The following TRAPPC9 variants were observed in gnomAD, a reference collection of about 807,000 sequenced individuals.
The protein encoded by TRAPPC9 is IKK2 binding protein.
Under a neutral mutation model 124.0 loss-of-function variants are expected in TRAPPC9, and 83 were observed. The observed-to-expected ratio is 0.67, with a 90% CI of 0.56 to 0.80. The LOEUF (loss-of-function observed/expected upper bound fraction) is 0.80, where lower values mean the gene tolerates loss of function less well. Ranked by LOEUF, TRAPPC9 falls within the 30% of genes least tolerant of loss-of-function variation. The probability of loss-of-function intolerance (pLI) is 0.00; values close to 1 mark genes in which losing one functional copy is unlikely to be tolerated. For missense variants in TRAPPC9, 1,302 were observed against 1,508.3 expected (o/e 0.86, Z 2.27); for synonymous variants, 638 against 617.5 (o/e 1.03, Z -0.49).
chr8:139,953,331 A>T (rs969478142), intron 19 of TRAPPC9, among the ~76,000 whole-genome samples: 5 of 152,190 alleles, frequency 3.3e-5, no homozygotes, highest in African/African-American at 2.4e-5. Context: ...TGTCTCTACT[A>T]AAAATGCAAA....
At chr8:140,183,917 GA>G (rs2062274480) in intron 17 of TRAPPC9, among the ~76,000 whole-genome samples, 1 of 38,908 alleles carries the variant, frequency 2.6e-5, no homozygotes, top group Non-Finnish European at 5.9e-5. Context: ...GAGAGGAGAG[GA>G]GAGGAGAGGA....
At chr8:140,178,132 T>C (rs1009501616) in intron 17 of TRAPPC9, among the ~76,000 whole-genome samples, 1 of 152,144 alleles carries the variant, frequency 6.6e-6, no homozygotes, top group Non-Finnish European at 1.5e-5. Context: ...TTTTGTTCCT[T>C]ATGGCACTAA....
At chr8:139,818,437 A>G (rs990376936) in intron 21 of TRAPPC9, among the ~76,000 whole-genome samples, 4 of 152,116 alleles carry the variant, frequency 2.6e-5, no homozygotes, top group Non-Finnish European at 5.9e-5. Flanking sequence ...TTAGCCAGGC[A>G]TGGTGGTGTG....
In TRAPPC9 at chr8:140,451,020, G is replaced by A. The variant is rs184612763; in HGVS notation, c.354C>T (p.Phe118=). 1.7e-5 allele frequency: 28 copies of A among 1,614,136 alleles called. No homozygotes were observed. The East Asian group carries it at 2.9e-4, about 17-fold the overall frequency. The part of the protein sequence containing the change: ...STLYDSRLFV[F]GLQGEIVEQP... The stretch of plus-strand genomic sequence containing the variant: ...GCTCCACGATCTCCCCCTGCAGCCC[G>A]AAGACAAAGAGCCGGGAGTCATACA... The change falls in exon 2 of 23, where the codon TTC becomes TTT. Residue 118 remains phenylalanine (F), a synonymous_variant. Transcript: ENST00000438773.
intron 21 of TRAPPC9, among the ~76,000 whole-genome samples, chr8:139,844,009 C>T (rs1331665488): frequency 6.6e-6 from 1 of 152,226 alleles, no homozygotes; most frequent in East Asian, 1.9e-4. Context: ...CATATCTCGT[C>T]CTGTCCTCCC....
At chr8:140,452,355 G>T (rs1310339595) in intron 1 of TRAPPC9, among the ~76,000 whole-genome samples, 1 of 143,030 alleles carries the variant, frequency 7.0e-6, no homozygotes, top group Non-Finnish European at 1.5e-5. Flanking sequence ...GGGAGGCAGA[G>T]CTTGCAGTGA....
At chr8:139,757,847 G>T (rs1819959500) in intron 21 of TRAPPC9, among the ~76,000 whole-genome samples, 1 of 152,142 alleles carries the variant, frequency 6.6e-6, no homozygotes, top group Non-Finnish European at 1.5e-5. Context: ...TCGCCTCCCT[G>T]TCCAAGGGGG....
chr8:140,087,034 G>A lies in TRAPPC9; in HGVS notation c.2557-62955C>T, dbSNP rs896947718. Among the ~76,000 whole-genome samples the A allele has an allele frequency of 2.6e-5, 4 of 151,918 alleles. No individual in the cohort carries two copies. The highest frequency in any genetic ancestry group is 9.7e-5 in the African/African-American group (4 of 41,352). Reference sequence around the variant, plus strand: ...GAGCTCCTGCAAGCACTGCCTGCTCGGGCTGGCTCTACTTCTTGCCACCGT... The same window carrying A: ...GAGCTCCTGCAAGCACTGCCTGCTCAGGCTGGCTCTACTTCTTGCCACCGT... On this transcript the variant is annotated intron_variant, in intron 17 of 22. Coordinates refer to ENST00000438773, the MANE Select transcript of TRAPPC9 (RefSeq NM_001160372.4). The surrounding 1 kb of genome is among the most constrained non-coding windows in gnomAD (Gnocchi z 4.6).
intron 6 of TRAPPC9, among the ~76,000 whole-genome samples, chr8:140,404,191 C>A (rs972642639): frequency 2.6e-5 from 4 of 151,996 alleles, no homozygotes; most frequent in Non-Finnish European, 4.4e-5. Context: ...TTGAACATAA[C>A]CTATGATAAA....
At chr8:139,827,596 C>T (rs1377472736) in intron 21 of TRAPPC9, among the ~76,000 whole-genome samples, 4 of 152,210 alleles carry the variant, frequency 2.6e-5, no homozygotes, top group Non-Finnish European at 5.9e-5. Flanking sequence ...CTGCCATGTG[C>T]TGGGGTGGTG....
At chr8:139,862,705 C>T (rs192499851) in intron 21 of TRAPPC9, among the ~76,000 whole-genome samples, 1 of 152,338 alleles carries the variant, frequency 6.6e-6, no homozygotes, top group Admixed American at 6.5e-5. Context: ...AGCACCTGCT[C>T]TGTGCATACT....
At chr8:139,852,680 C>A (rs754422239) in intron 21 of TRAPPC9, among the ~76,000 whole-genome samples, 2 of 152,216 alleles carry the variant, frequency 1.3e-5, no homozygotes, top group African/African-American at 2.4e-5. Context: ...TCGGGCAGCA[C>A]AAACCAAAGA....
At chr8:140,140,793 C>T (rs1415508661) in intron 17 of TRAPPC9, among the ~76,000 whole-genome samples, 3 of 152,126 alleles carry the variant, frequency 2.0e-5, no homozygotes, top group East Asian at 1.9e-4. Flanking sequence ...AGTGGTCAAG[C>T]GCCATGTTAT....
At chr8:140,231,662 T>G (rs905397637) in intron 16 of TRAPPC9, among the ~76,000 whole-genome samples, 2 of 137,660 alleles carry the variant, frequency 1.5e-5, no homozygotes. Context: ...CACAGCTAAT[T>G]TTTTTTTTTT....
At chr8:139,761,130 T>C (rs1386141157) in intron 21 of TRAPPC9, among the ~76,000 whole-genome samples, 1 of 152,202 alleles carries the variant, frequency 6.6e-6, no homozygotes, top group Non-Finnish European at 1.5e-5. Flanking sequence ...TGCCTTTCTG[T>C]TGTCTACTTA....
intron 1 of TRAPPC9, among the ~76,000 whole-genome samples, chr8:140,453,539 A>G (rs969087225): frequency 6.6e-6 from 1 of 152,252 alleles, no homozygotes; most frequent in African/African-American, 2.4e-5. Context: ...CCACCTCTAC[A>G]GACTTCAAAA....
intron 16 of TRAPPC9, among the ~76,000 whole-genome samples, chr8:140,237,133 A>G (rs2063748450): frequency 2.0e-5 from 3 of 152,132 alleles, no homozygotes; most frequent in South Asian, 4.1e-4. Flanking sequence ...GTGAGCCGAG[A>G]TCATGCCACT....
At chr8:140,457,766 C>G, upstream of TRAPPC9, 1 of 1,003,306 alleles carries the variant, frequency 1.0e-6, no homozygotes, top group African/African-American at 1.7e-5. Flanking sequence ...CGGCGCTGCT[C>G]CTGCGCGTGC....
At chr8:139,942,356 C>A (rs1183815007) in intron 19 of TRAPPC9, among the ~76,000 whole-genome samples, 2 of 149,964 alleles carry the variant, frequency 1.3e-5, no homozygotes, top group Non-Finnish European at 3.0e-5. Flanking sequence ...TTATTTGGAT[C>A]AGAAATTTGG....
Sources: allele counts gnomAD v4.1 joint callset (sites outside exome capture counted in the v4.1 genomes callset), GRCh38; gene constraint gnomAD v4.1.1; non-coding constraint Gnocchi (gnomAD v3.1); transcripts MANE v1.5; gene names NCBI Gene and HGNC (gene_info 2026-07-23, HGNC 2026-07-21).